Variants in FRYL observed in about 807,000 individuals in gnomAD.
FRYL encodes the protein FRY like transcription coactivator.
FRYL carries 150 observed loss-of-function variants against 351.2 expected under a neutral mutation model. That is an observed-to-expected ratio of 0.43 (90% CI 0.37 to 0.49). The LOEUF (loss-of-function observed/expected upper bound fraction) is 0.49. Ranked by LOEUF, FRYL falls within the 20% of genes least tolerant of loss-of-function variation. The pLI, the probability that FRYL is intolerant of heterozygous loss-of-function variation, is 0.00. For missense variants in FRYL, 3,036 were observed against 3,619.3 expected (o/e 0.84, Z 4.13); for synonymous variants, 1,153 against 1,257.1 (o/e 0.92, Z 1.75).
At chr4:48,610,045 A>T (rs1303556211) in intron 7 of FRYL, among the ~76,000 whole-genome samples, 1 of 152,218 alleles carries the variant, frequency 6.6e-6, no homozygotes, top group African/African-American at 2.4e-5. Context: ...TCATAATCAC[A>T]AATCACTGAA....
Position 48,575,104 on chromosome 4 carries a change from C to T in FRYL, c.2846+13G>A, listed in dbSNP as rs28558226. On this transcript the variant is annotated intron_variant, in intron 25 of 63. Transcript: ENST00000358350. ...TCTTTTAGGACATAGAAAAAATGTA[C>T]GAACATAGTTACCTAAAAGCTCCTG... 1 allele frequency: 1,607,359 copies of T among 1,612,184 alleles called. 801,378 individuals carry two copies. The highest frequency in any genetic ancestry group is 1 in the East Asian group (44,854 of 44,854).
At position 48,722,121 on chromosome 4, in the gene FRYL, G is replaced by T. The variant is rs76905533; in HGVS notation, c.-383-11423C>A. Among the ~76,000 whole-genome samples, 863 of 152,216 alleles carry T rather than the reference G, an allele frequency of 5.7e-3. 8 individuals carry two copies. Among genetic ancestry groups the T allele is most frequent in the African/African-American group, 0.02 (816 of 41,530 alleles). On this transcript the variant is annotated intron_variant, in intron 1 of 63. Coordinates refer to ENST00000358350, the MANE Select transcript of FRYL (RefSeq NM_015030.2). ...ATATCCTTGTCTTCTATGAATTTTT[G>T]TTGTTTTTAATCAAACTTTACCCGA...
chr4:48,501,269 C>T (rs1306572432), intron 62 of FRYL, among the ~76,000 whole-genome samples: 3 of 152,124 alleles, frequency 2.0e-5, no homozygotes, highest in East Asian at 1.9e-4. Context: ...CAGCTCACTA[C>T]AGCTTCTAAC....
intron 3 of FRYL, among the ~76,000 whole-genome samples, chr4:48,656,692 T>C (rs1404473972): frequency 3.0e-5 from 3 of 99,726 alleles, no homozygotes; most frequent in East Asian, 5.4e-4. Flanking sequence ...CTGATACATA[T>C]ATATGCATAT....
At chr4:48,555,323 A>T (rs1202234893) in intron 35 of FRYL, among the ~76,000 whole-genome samples, 3 of 152,346 alleles carry the variant, frequency 2.0e-5, no homozygotes, top group South Asian at 4.1e-4. Context: ...ATAGACAAAA[A>T]CTACCATTCT....
intron 4 of FRYL, among the ~76,000 whole-genome samples, 188 bp from the exon 5 acceptor site, chr4:48,623,367 GCTCCAGAGGCAAGGCTCT>G (rs910972936): frequency 7.2e-5 from 11 of 152,188 alleles, no homozygotes; most frequent in African/African-American, 2.6e-4. Context: ...TTTAAGTGTG[GCTCCAGAGGCAAGGCTCT>G]CACTGTGATA....
chr4:48,712,032 A>T (rs1236223761), intron 1 of FRYL, among the ~76,000 whole-genome samples: 1 of 152,200 alleles, frequency 6.6e-6, no homozygotes, highest in Non-Finnish European at 1.5e-5. Context: ...GAAAACTAAC[A>T]AACAGAAAGG....
chr4:48,676,025 A>T (rs1396779311), intron 3 of FRYL, among the ~76,000 whole-genome samples: 1 of 152,080 alleles, frequency 6.6e-6, no homozygotes, highest in Non-Finnish European at 1.5e-5. Flanking sequence ...AACTAATCTG[A>T]TGGGGACATG....
At chr4:48,643,900 G>A (rs996179657) in intron 3 of FRYL, among the ~76,000 whole-genome samples, 1 of 151,990 alleles carries the variant, frequency 6.6e-6, no homozygotes, top group African/African-American at 2.4e-5. Context: ...TATCATAAGT[G>A]TCAATTTTCA....
chr4:48,771,915 A>C (rs1423160176), intron 1 of FRYL, among the ~76,000 whole-genome samples: 1 of 152,250 alleles, frequency 6.6e-6, no homozygotes. Flanking sequence ...AACAGTTAAC[A>C]ATAAAGTAAT....
intron 3 of FRYL, among the ~76,000 whole-genome samples, chr4:48,676,089 CAA>C (rs1763624822): frequency 6.6e-6 from 1 of 152,106 alleles, no homozygotes; most frequent in African/African-American, 2.4e-5. Flanking sequence ...AACACGGTGT[CAA>C]AACAGGCCAC....
chr4:48,505,888 G>GA (rs2148724939), intron 59 of FRYL: 2 of 328,940 alleles, frequency 6.1e-6, no homozygotes, highest in East Asian at 1.0e-4. Context: ...TTCAGTAAAG[G>GA]ATATTCTTCA....
At chr4:48,632,094 A>ATATATATATATATATATG (rs1560753357) in intron 4 of FRYL, among the ~76,000 whole-genome samples, 68 of 13,810 alleles carry the variant, frequency 4.9e-3, no homozygotes, top group Non-Finnish European at 8.8e-3. Flanking sequence ...AAAAAAAAAT[A>ATATATATATATATATATG]TATATATATA....
chr4:48,661,170 A>G (rs1760629093), intron 3 of FRYL, among the ~76,000 whole-genome samples: 1 of 152,188 alleles, frequency 6.6e-6, no homozygotes, highest in Non-Finnish European at 1.5e-5. Flanking sequence ...ACTTTTCTAT[A>G]AATCTAAAAG....
In FRYL at chr4:48,553,647, T is replaced by C. The variant is rs536917500; in HGVS notation, c.4267-264A>G. 3.7e-5 allele frequency among the ~76,000 whole-genome samples: 5 copies of C among 134,926 alleles called. No homozygotes were observed. In the East Asian group the frequency reaches 1.1e-3, roughly 29 times the overall value. 88.5% of individuals were successfully genotyped at this position (134,926 alleles called of 152,430 possible). ...TGGTTTCCACTTTATGCACTTTCTT[T>C]ACTTTAAAAAAAAAAAAAAAAAAAA... On this transcript the variant is annotated intron_variant, in intron 35 of 63. Coordinates refer to ENST00000358350, the MANE Select transcript of FRYL (RefSeq NM_015030.2).
At chr4:48,766,480 G>GA (rs1774962537) in intron 1 of FRYL, among the ~76,000 whole-genome samples, 4 of 152,172 alleles carry the variant, frequency 2.6e-5, no homozygotes, top group Admixed American at 1.3e-4. Context: ...CCCTTGTGCA[G>GA]GGATGTGATG....
At chr4:48,750,174 G>C (rs1773100293) in intron 1 of FRYL, among the ~76,000 whole-genome samples, 1 of 146,628 alleles carries the variant, frequency 6.8e-6, no homozygotes, top group East Asian at 2.0e-4. Context: ...GAAAAAAAAG[G>C]AAGAGGCTGG....
intron 7 of FRYL, among the ~76,000 whole-genome samples, chr4:48,613,038 T>G (rs1181246000): frequency 6.6e-6 from 1 of 152,212 alleles, no homozygotes; most frequent in African/African-American, 2.4e-5. Context: ...CAGAAGTGTT[T>G]TGGATTTCTG....
At chr4:48,510,205 C>A (rs1217560065) in intron 58 of FRYL, 48 bp from the exon 59 acceptor site, 5 of 1,347,836 alleles carry the variant, frequency 3.7e-6, no homozygotes, top group Non-Finnish European at 4.3e-6. Flanking sequence ...TGATTGAAAT[C>A]ATGAGACTCA....
Sources: allele counts gnomAD v4.1 joint callset (sites outside exome capture counted in the v4.1 genomes callset), GRCh38; gene constraint gnomAD v4.1.1; transcripts MANE v1.5; gene names NCBI Gene and HGNC (gene_info 2026-07-23, HGNC 2026-07-21).